PTK7: variants seen among roughly 807,000 people sequenced by gnomAD.
PTK7 encodes the protein protein tyrosine kinase 7 (inactive).
Under a neutral mutation model 116.6 loss-of-function variants are expected in PTK7, and 39 were observed. The ratio of observed to expected loss-of-function variants is 0.33; its 90% CI spans 0.26 to 0.44. The LOEUF (loss-of-function observed/expected upper bound fraction) is 0.44, where lower values mean the gene tolerates loss of function less well. PTK7 is among the 20% of genes least tolerant of loss of function. PTK7 has a pLI of 1.00. For missense variants in PTK7, 1,169 were observed against 1,425.6 expected (o/e 0.82, Z 2.90); for synonymous variants, 546 against 563.6 (o/e 0.97, Z 0.44).
chr6:43,155,164 G>A (rs1771349009), intron 17 of PTK7, among the ~76,000 whole-genome samples: 1 of 151,956 alleles, frequency 6.6e-6, no homozygotes, highest in Admixed American at 6.6e-5. Flanking sequence ...AACATCCACT[G>A]TATATGGCAC....
rs182839986 is a variant in PTK7, at chr6:43,118,155, A to G, written c.80-10822A>G. ...GAACTGTTTCTCTCTGTGATTCAAT[A>G]CAGTGGTCACCAGCCACCTATGGCC... On this transcript the variant is annotated intron_variant, in intron 1 of 19. Coordinates refer to ENST00000230419, the MANE Select transcript of PTK7 (RefSeq NM_002821.5). Among the ~76,000 whole-genome samples the G allele has an allele frequency of 1.5e-3, 225 of 145,984 alleles. 2 individuals are homozygous for G. Among genetic ancestry groups the G allele is most frequent in the East Asian group, 1.2e-3 (6 of 4,982 alleles).
At position 43,142,070 on chromosome 6, in the gene PTK7, G is replaced by C. The variant is rs1770448958; in HGVS notation, c.1908G>C (p.Lys636Asn). The change falls in exon 12 of 20, where the codon AAG becomes AAC. Residue 636 changes from lysine (K) to asparagine (N), a missense_variant. Around this residue, in one of 3 missense-constraint regions of PTK7, gnomAD observed 678 missense variants for 853.8 expected, o/e 0.79. Transcript: ENST00000230419. ...AGGACCGCATCCTGGACCCCACCAA[G>C]CTGGGACCCAGGTAGGGCCACCTCT... ...KGKDRILDPT[K>N]LGPRMHIFQN... 6.2e-7 allele frequency: 1 copy of C among 1,613,584 alleles called. No homozygotes were observed. The highest frequency in any genetic ancestry group is 8.5e-7 in the Non-Finnish European group (1 of 1,179,816).
At chr6:43,156,629 A>C (rs1425597318) in intron 17 of PTK7, among the ~76,000 whole-genome samples, 3 of 151,942 alleles carry the variant, frequency 2.0e-5, no homozygotes, top group South Asian at 4.2e-4. Context: ...GGCCGGGCAC[A>C]GTGGCTCATG....
chr6:43,159,697 C>A, intron 18 of PTK7, 91 bp from the exon 19 acceptor site: 2 of 1,373,316 alleles, frequency 1.5e-6, no homozygotes, highest in Non-Finnish European at 2.1e-6. Flanking sequence ...GGGCCCCCGG[C>A]TTGGGGATGC....
intron 17 of PTK7, among the ~76,000 whole-genome samples, chr6:43,152,791 TATGTA>T (rs1771204683): frequency 2.1e-5 from 3 of 140,958 alleles, no homozygotes; most frequent in African/African-American, 8.0e-5. Context: ...TATGTTATGT[TATGTA>T]TTCTTTAGAG....
intron 17 of PTK7, among the ~76,000 whole-genome samples, chr6:43,152,789 GTTA>G (rs1582218150): frequency 6.9e-6 from 1 of 144,832 alleles, no homozygotes; most frequent in East Asian, 2.2e-4. Context: ...GTTATGTTAT[GTTA>G]TGTATTCTTT....
chr6:43,157,350 A>T lies in PTK7; in HGVS notation c.2722-1467A>T, dbSNP rs1561990213. Among the ~76,000 whole-genome samples, 24 of 5,456 alleles carry T rather than the reference A, an allele frequency of 4.4e-3. 2 individuals are homozygous for T. Among genetic ancestry groups the T allele is most frequent in the Admixed American group, 0.01 (3 of 300 alleles). 3.6% of individuals were successfully genotyped at this position (5,456 alleles called of 152,430 possible). ...GCTATATATATATATATATATATAT[A>T]TATATATATATATATTTTTTTTTTT... On this transcript the variant is annotated intron_variant, in intron 17 of 19. Transcript: ENST00000230419.
Position 43,132,069 on chromosome 6 carries a change from C to G in PTK7, c.866C>G (p.Thr289Ser), listed in dbSNP as rs779981129. Residue 289 changes from threonine to serine, a missense_variant, in exon 6 of 20, where the codon ACC becomes AGC. Around this residue, in one of 3 missense-constraint regions of PTK7, gnomAD observed 487 missense variants for 549.8 expected, o/e 0.89. Coordinates refer to ENST00000230419, the MANE Select transcript of PTK7 (RefSeq NM_002821.5). ...TTTGCCAACGGGTCTCTGCTGCTGA[C>G]CCAGGTCCGGCCACGCAATGCAGGG... ...TVFANGSLLL[T>S]QVRPRNAGIY... The G allele has an allele frequency of 1.2e-6, 2 of 1,614,134 alleles. No homozygotes were observed. Among genetic ancestry groups the G allele is most frequent in the East Asian group, 4.5e-5 (2 of 44,886 alleles).
rs1050390644 is a variant in PTK7, at chr6:43,142,389, A to C, written c.2047+90A>C. ...TCAGCCCCTGTGTACAGAACATGGC[A>C]CAGAAGCCATTTTTGTGGCAGCGGT... On this transcript the variant is annotated intron_variant, in intron 13 of 19. Coordinates refer to ENST00000230419, the MANE Select transcript of PTK7 (RefSeq NM_002821.5). 5 of 1,588,372 alleles carry C rather than the reference A, an allele frequency of 3.1e-6. No homozygotes were observed. The African/African-American group carries it at 6.7e-5, about 21-fold the overall frequency.
At chr6:43,088,271 A>G (rs773169132) in intron 1 of PTK7, among the ~76,000 whole-genome samples, 42 of 151,958 alleles carry the variant, frequency 2.8e-4, no homozygotes, top group Non-Finnish European at 5.1e-4. Context: ...GCACCACTGC[A>G]CTCCAGCCTG....
intron 1 of PTK7, among the ~76,000 whole-genome samples, chr6:43,099,492 G>C (rs1767447177): frequency 6.6e-6 from 1 of 151,860 alleles, no homozygotes; most frequent in African/African-American, 2.4e-5. Flanking sequence ...AAAGTGATGG[G>C]ATTACAGCCA....
Position 43,123,197 on chromosome 6 carries a change from C to T in PTK7, c.80-5780C>T, listed in dbSNP as rs1214172823. Among the ~76,000 whole-genome samples, 4 of 151,758 alleles carry T rather than the reference C, an allele frequency of 2.6e-5. 1 individual carries two copies. Among genetic ancestry groups the T allele is most frequent in the South Asian group, 4.2e-4 (2 of 4,792 alleles). On this transcript the variant is annotated intron_variant, in intron 1 of 19. Coordinates refer to ENST00000230419, the MANE Select transcript of PTK7 (RefSeq NM_002821.5). The stretch of plus-strand genomic sequence containing the variant: ...GTCTCAAACTCCTGATCTTGTGATC[C>T]GCCCGCCTTGGCCTCCCAAAGTGCT...
chr6:43,133,214 CATATT>C (rs1769816816), intron 7 of PTK7: 1 of 174,830 alleles, frequency 5.7e-6, no homozygotes, highest in Non-Finnish European at 1.2e-5. Flanking sequence ...CTTTACTAAA[CATATT>C]ACTTATGAAA....
chr6:43,128,142 G>A (rs1271072697), intron 1 of PTK7, among the ~76,000 whole-genome samples: 1 of 152,194 alleles, frequency 6.6e-6, no homozygotes. Flanking sequence ...CATGAGTGAA[G>A]CCATCTTTCC....
chr6:43,087,671 T>C (rs974786282), intron 1 of PTK7, among the ~76,000 whole-genome samples: 10 of 152,166 alleles, frequency 6.6e-5, no homozygotes, highest in Admixed American at 2.0e-4. Context: ...CCCATCCTCT[T>C]CTCCAGGCTT....
chr6:43,106,958 T>C (rs1211586324), intron 1 of PTK7, among the ~76,000 whole-genome samples: 1 of 146,122 alleles, frequency 6.8e-6, no homozygotes, highest in African/African-American at 2.6e-5. Context: ...AGTCTTGCTC[T>C]GTCACCCAGG....
chr6:43,097,703 C>T (rs529235884), intron 1 of PTK7, among the ~76,000 whole-genome samples: 5 of 152,294 alleles, frequency 3.3e-5, no homozygotes, highest in African/African-American at 1.2e-4. Flanking sequence ...ACTAAATATG[C>T]CGAGATGGCC....
chr6:43,147,494 C>T (rs1314606487), intron 17 of PTK7, among the ~76,000 whole-genome samples: 2 of 152,164 alleles, frequency 1.3e-5, no homozygotes, highest in Non-Finnish European at 2.9e-5. Context: ...AGTCTGCTTC[C>T]AAGCTGGCAG....
At chr6:43,130,750 C>A in intron 5 of PTK7, 89 bp downstream of exon 5, 1 of 1,484,740 alleles carries the variant, frequency 6.7e-7, no homozygotes, top group Non-Finnish European at 9.3e-7. Context: ...ACAGACATCA[C>A]AGATTTGTAC....
Sources: gnomAD v4.1 joint callset for allele counts (sites outside exome capture counted in the v4.1 genomes callset) on GRCh38, gnomAD v4.1.1 for gene constraint, gnomAD v4.1.1 regional missense constraint, MANE v1.5 for transcripts, NCBI Gene and HGNC (gene_info 2026-07-23, HGNC 2026-07-21) for gene names.